The following CFAP47 variants were observed in gnomAD, a reference collection of about 807,000 sequenced individuals.
The protein encoded by CFAP47 is cilia- and flagella-associated protein 47.
In CFAP47, 29 loss-of-function variants were observed where a neutral mutation model predicts 148.1. The observed-to-expected ratio is 0.20, with a 90% CI of 0.15 to 0.27. The LOEUF is 0.27. CFAP47 is among the 10% of genes least tolerant of loss of function. CFAP47 has a pLI of 1.00. For synonymous variants in CFAP47, 664 were observed against 577.3 expected, an observed-to-expected ratio of 1.15 and a Z score of -2.15; for missense variants, 1,872 against 1,697.5, an observed-to-expected ratio of 1.10 and a Z score of -1.81.
intron 55 of CFAP47, among the ~76,000 whole-genome samples, chrX:36,309,079 G>T (rs1335993941): frequency 1.8e-5 from 2 of 111,147 alleles, no homozygotes; most frequent in Admixed American, 1.9e-4. Context: ...CAGCAAATGT[G>T]GTAAATTATA....
chrX:36,006,496 G>A (rs1292351952), intron 21 of CFAP47, among the ~76,000 whole-genome samples: 13 of 111,768 alleles, frequency 1.2e-4, no homozygotes, highest in African/African-American at 4.2e-4. Context: ...CATTTCAAAT[G>A]TCCTCCACTA....
intron 39 of CFAP47, among the ~76,000 whole-genome samples, chrX:36,167,769 A>G (rs1186949305): frequency 8.9e-6 from 1 of 111,829 alleles, no homozygotes; most frequent in Admixed American, 9.5e-5. Context: ...AGAAGGAGAT[A>G]GAGTTCTTGG....
At chrX:36,346,898 A>G (rs1602119330) in intron 57 of CFAP47, among the ~76,000 whole-genome samples, 1 of 112,279 alleles carries the variant, frequency 8.9e-6, no homozygotes, top group Middle Eastern at 4.6e-3. Context: ...CATGCCTAAA[A>G]CACCAAAAGC....
chrX:36,336,848 A>T (rs1556014923), intron 57 of CFAP47, among the ~76,000 whole-genome samples: 1 of 111,926 alleles, frequency 8.9e-6, no homozygotes, highest in Non-Finnish European at 1.9e-5. Context: ...GTCTTCAAGG[A>T]CCCAGTGTTT....
At chrX:36,062,465 A>G (rs1003913897) in intron 26 of CFAP47, among the ~76,000 whole-genome samples, 1 of 111,808 alleles carries the variant, frequency 8.9e-6, no homozygotes, top group Non-Finnish European at 1.9e-5. Context: ...GTGTGATTAG[A>G]GTATTAATTA....
At chrX:36,132,565 A>G (rs1362082882) in intron 33 of CFAP47, among the ~76,000 whole-genome samples, 2 of 111,680 alleles carry the variant, frequency 1.8e-5, no homozygotes, top group Non-Finnish European at 3.8e-5. Context: ...AGCTTGTATC[A>G]AAGGAACTAT....
intron 57 of CFAP47, among the ~76,000 whole-genome samples, chrX:36,324,822 AT>A (rs1183482828): frequency 6.3e-3 from 704 of 111,117 alleles, no homozygotes; most frequent in African/African-American, 0.022. Flanking sequence ...TATGAAATCC[AT>A]TTTTTTTCTA....
chrX:36,031,512 A>G lies in CFAP47; in HGVS notation c.3651+165A>G, dbSNP rs180759943. 5.4e-3 allele frequency among the ~76,000 whole-genome samples: 599 copies of G among 110,565 alleles called. 6 individuals are homozygous for G. Among genetic ancestry groups the G allele is most frequent in the African/African-American group, 0.019 (574 of 30,675 alleles). Reference sequence around the variant, plus strand: ...AGCAAGAATACCGGCATTTTTTAGAAAACTTACAGATAAAATTTCTCAGGA... The same window carrying G: ...AGCAAGAATACCGGCATTTTTTAGAGAACTTACAGATAAAATTTCTCAGGA... On this transcript the variant is annotated intron_variant, in intron 23 of 63. Transcript: ENST00000378653.
At chrX:36,240,417 A>C (rs1940527315) in intron 48 of CFAP47, among the ~76,000 whole-genome samples, 1 of 106,187 alleles carries the variant, frequency 9.4e-6, no homozygotes, top group Admixed American at 1.1e-4. Flanking sequence ...TGTTTCAATA[A>C]ATATATCATA....
At chrX:36,337,184 C>T (rs989755446) in intron 57 of CFAP47, among the ~76,000 whole-genome samples, 1 of 112,162 alleles carries the variant, frequency 8.9e-6, no homozygotes, top group South Asian at 3.7e-4. Context: ...AAAAAAATCT[C>T]CATAACCTGA....
At chrX:36,274,190 C>A (rs1556002275) in intron 49 of CFAP47, among the ~76,000 whole-genome samples, 1 of 111,678 alleles carries the variant, frequency 9.0e-6, no homozygotes, top group African/African-American at 3.2e-5. Flanking sequence ...ACATAATAAA[C>A]TTTAAATGAG....
intron 60 of CFAP47, among the ~76,000 whole-genome samples, chrX:36,361,105 T>C (rs1556019150): frequency 9.0e-6 from 1 of 111,605 alleles, no homozygotes; most frequent in Non-Finnish European, 1.9e-5. Context: ...GTCTTCTATG[T>C]TTATTTTTAT....
At chrX:36,347,962 G>C (rs1480475163) in intron 57 of CFAP47, among the ~76,000 whole-genome samples, 167 bp from the exon 58 acceptor site, 1 of 111,618 alleles carries the variant, frequency 9.0e-6, no homozygotes, top group African/African-American at 3.3e-5. Flanking sequence ...TGGCATCTAA[G>C]GTAAAATAGT....
intron 33 of CFAP47, among the ~76,000 whole-genome samples, chrX:36,132,225 A>G (rs1339200356): frequency 9.0e-6 from 1 of 111,229 alleles, no homozygotes; most frequent in Non-Finnish European, 1.9e-5. Context: ...ATCAGAAGTG[A>G]TGTAATATAA....
intron 35 of CFAP47, among the ~76,000 whole-genome samples, chrX:36,139,778 T>C (rs1406789542): frequency 8.9e-6 from 1 of 111,931 alleles, no homozygotes; most frequent in Non-Finnish European, 1.9e-5. Flanking sequence ...CAAAATGATA[T>C]CTTACACCTG....
intron 33 of CFAP47, among the ~76,000 whole-genome samples, chrX:36,130,714 T>C (rs1291715968): frequency 9.0e-6 from 1 of 110,794 alleles, no homozygotes; most frequent in Admixed American, 9.7e-5. Flanking sequence ...AAAAATGTGG[T>C]ACATACACAC....
At chrX:35,958,663 C>G (rs778953839) in intron 8 of CFAP47, among the ~76,000 whole-genome samples, 2 of 111,510 alleles carry the variant, frequency 1.8e-5, no homozygotes, top group Non-Finnish European at 1.9e-5. Flanking sequence ...TACTTATTGT[C>G]CATTTGTATA....
At chrX:36,067,914 G>A (rs1444630852) in intron 27 of CFAP47, among the ~76,000 whole-genome samples, 1 of 111,121 alleles carries the variant, frequency 9.0e-6, no homozygotes, top group African/African-American at 3.3e-5. Flanking sequence ...GCCTCCCAAA[G>A]TGCTGGGATT....
At chrX:36,149,356 A>G in intron 37 of CFAP47, 133 bp downstream of exon 37, 1 of 264,281 alleles carries the variant, frequency 3.8e-6, no homozygotes, top group Non-Finnish European at 6.7e-6. Flanking sequence ...CAGTCAGACA[A>G]ATATTCGTAT....
Sources: allele counts gnomAD v4.1 joint callset (sites outside exome capture counted in the v4.1 genomes callset), GRCh38; gene constraint gnomAD v4.1.1; transcripts MANE v1.5; gene names NCBI Gene and HGNC (gene_info 2026-07-23, HGNC 2026-07-21).